CFAP74: variants seen among roughly 807,000 people sequenced by gnomAD.
CFAP74 encodes cilia and flagella associated protein 74.
Under a neutral mutation model 188.9 loss-of-function variants are expected in CFAP74, and 124 were observed. The observed-to-expected ratio is 0.66, with a 90% CI of 0.57 to 0.76. The LOEUF (loss-of-function observed/expected upper bound fraction) is 0.76. Among genes scored for constraint, CFAP74 ranks in the 30% least tolerant of loss-of-function variants. The probability of loss-of-function intolerance (pLI) is 0.00; values close to 1 mark genes in which losing one functional copy is unlikely to be tolerated. For missense variants in CFAP74, 2,198 were observed against 2,165.2 expected, an observed-to-expected ratio of 1.02 and a Z score of -0.30; for synonymous variants, 956 against 916.7, an observed-to-expected ratio of 1.04 and a Z score of -0.77.
intron 25 of CFAP74, among the ~76,000 whole-genome samples, chr1:1,933,579 T>A (rs754156140): frequency 1.3e-5 from 2 of 152,236 alleles, no homozygotes; most frequent in Non-Finnish European, 2.9e-5. Flanking sequence ...TGTAAAGATG[T>A]TCATCATGTT....
intron 6 of CFAP74, among the ~76,000 whole-genome samples, chr1:1,980,128 C>T (rs1255415664): frequency 3.3e-5 from 4 of 121,898 alleles, no homozygotes; most frequent in East Asian, 4.8e-4. Context: ...TCGCAGTGGG[C>T]GCCCTCTTAC....
In CFAP74 at chr1:1,977,468, C is replaced by T. The variant is rs370249746; in HGVS notation, c.501-3270G>A. On this transcript the variant is annotated intron_variant, in intron 6 of 38. Transcript: ENST00000682832. The stretch of plus-strand genomic sequence containing the variant: ...CCTCCCTGAGGGGCTGCCAGAGCTC[C>T]TCATGACCCCCTTGCCATCCTCTCT... Among the ~76,000 whole-genome samples the T allele has an allele frequency of 3.6e-4, 55 of 152,324 alleles. 1 individual carries two copies. The highest frequency in any genetic ancestry group is 1.2e-3 in the African/African-American group (51 of 41,572).
At chr1:1,993,134 G>A (rs917766413) in intron 1 of CFAP74, among the ~76,000 whole-genome samples, 1 of 149,904 alleles carries the variant, frequency 6.7e-6, no homozygotes, top group African/African-American at 2.5e-5. Flanking sequence ...CCAGGAGGCG[G>A]AGGTTGCAGT....
At chr1:1,997,970 G>T (rs570897400) in intron 1 of CFAP74, among the ~76,000 whole-genome samples, 1 of 152,194 alleles carries the variant, frequency 6.6e-6, no homozygotes. Context: ...ACTGGCATTA[G>T]TTTCCATTAA....
chr1:1,988,848 AC>A (rs1558063135), intron 3 of CFAP74, 40 bp downstream of exon 3: 17 of 96,884 alleles, frequency 1.8e-4, no homozygotes, highest in Admixed American at 6.6e-4. Context: ...CCCCACCCCC[AC>A]CCCCCCACAC....
intron 10 of CFAP74, among the ~76,000 whole-genome samples, chr1:1,970,008 A>C (rs765251777): frequency 2.0e-5 from 3 of 152,038 alleles, no homozygotes; most frequent in Non-Finnish European, 4.4e-5. Context: ...GAAAGGCGAG[A>C]CTGAGCGGGA....
At chr1:1,957,008 C>T (rs149835738) in intron 16 of CFAP74, among the ~76,000 whole-genome samples, 290 of 152,360 alleles carry the variant, frequency 1.9e-3, no homozygotes, top group African/African-American at 6.7e-3. Context: ...GGAGCCCCCT[C>T]GCCACGGAGT....
At chr1:1,957,243 TGCTG>T in intron 16 of CFAP74, among the ~76,000 whole-genome samples, 1 of 152,188 alleles carries the variant, frequency 6.6e-6, no homozygotes, top group South Asian at 2.1e-4. Flanking sequence ...GAAGCTCTGG[TGCTG>T]GCTAAGGATG....
intron 16 of CFAP74, among the ~76,000 whole-genome samples, chr1:1,957,917 C>A (rs36018191): frequency 0.023 from 3,471 of 152,316 alleles, 74 homozygotes; most frequent in Non-Finnish European, 0.031. Flanking sequence ...AGGAGCTGCT[C>A]GGGTGCCCTA....
chr1:1,932,066 C>CAAA (rs1214190743), intron 25 of CFAP74, among the ~76,000 whole-genome samples: 41 of 49,404 alleles, frequency 8.3e-4, no homozygotes, highest in African/African-American at 3.3e-3. Context: ...ACTCTCGCCT[C>CAAA]AAAAAAAAAA....
chr1:1,981,319 G>C (rs13302917), intron 6 of CFAP74, among the ~76,000 whole-genome samples: 45,757 of 151,812 alleles, frequency 0.3, 7,092 homozygotes, highest in Non-Finnish European at 0.34. Context: ...TTGACTGCGA[G>C]AGGGAGGGGG....
chr1:1,925,706 C>T lies in CFAP74; in HGVS notation c.4104+77G>A, dbSNP rs1651831711. 5 of 1,510,944 alleles carry T rather than the reference C, an allele frequency of 3.3e-6. No individual in the cohort carries two copies. In the South Asian group the frequency reaches 3.8e-5, roughly 11 times the overall value. 93.6% of individuals were successfully genotyped at this position (1,510,944 alleles called of 1,614,324 possible). A position where few individuals can be genotyped will look rare whatever the true frequency, so the allele number is the denominator to read the frequency against. Reference sequence around the variant, plus strand: ...TCTCCGACCCACGGGTCACTTTTGACAGCTGGCCTGAGTCCTGCCTGGTGG... The same window carrying T: ...TCTCCGACCCACGGGTCACTTTTGATAGCTGGCCTGAGTCCTGCCTGGTGG... On this transcript the variant is annotated intron_variant, in intron 33 of 38. Transcript: ENST00000682832.
intron 6 of CFAP74, among the ~76,000 whole-genome samples, chr1:1,980,019 G>T (rs1656729464): frequency 6.6e-6 from 1 of 151,348 alleles, no homozygotes; most frequent in African/African-American, 2.4e-5. Context: ...TCATGGGAGA[G>T]GCCCAAAGGC....
chr1:1,985,426 C>CTCT lies in CFAP74; in HGVS notation c.457_459dup (p.Arg153dup). On this transcript the variant is annotated inframe_insertion, in exon 6 of 39. Transcript: ENST00000682832. ...ACGGCCTCAGTCCTCGACTGCAGGTCTCTCTCGTTCTCCAGCTCTGCAAAC... is the reference window on the plus strand; with the variant it reads ...ACGGCCTCAGTCCTCGACTGCAGGTCTCTTCTCTCGTTCTCCAGCTCTGCAAAC... 1 of 1,614,130 alleles carries CTCT rather than the reference C, an allele frequency of 6.2e-7. No homozygotes were observed. Among genetic ancestry groups the CTCT allele is most frequent in the South Asian group, 1.1e-5 (1 of 91,092 alleles).
At chr1:1,931,844 C>G (rs1220480466) in intron 25 of CFAP74, among the ~76,000 whole-genome samples, 3 of 150,184 alleles carry the variant, frequency 2.0e-5, no homozygotes, top group Non-Finnish European at 4.4e-5. Flanking sequence ...GGGTGGATTA[C>G]CTGAGGTCAG....
intron 25 of CFAP74, among the ~76,000 whole-genome samples, chr1:1,931,686 G>A (rs1282025670): frequency 4.1e-5 from 6 of 145,910 alleles, no homozygotes; most frequent in South Asian, 2.2e-4. Context: ...GCAGCGAGCC[G>A]AGATTGTGCC....
At chr1:1,993,073 C>T (rs1282927712) in intron 1 of CFAP74, among the ~76,000 whole-genome samples, 1 of 151,122 alleles carries the variant, frequency 6.6e-6, no homozygotes, top group Non-Finnish European at 1.5e-5. Context: ...TGGTGGCAGG[C>T]ACCTGTAGTC....
At chr1:1,944,546 C>T in intron 20 of CFAP74, 94 bp from the exon 21 acceptor site, 1 of 1,337,058 alleles carries the variant, frequency 7.5e-7, no homozygotes, top group East Asian at 2.5e-5. Context: ...AGGAACGTTT[C>T]ATGGGCTTGA....
At position 1,930,172 on chromosome 1, in the gene CFAP74, CG is replaced by C. The variant is rs1557990645; in HGVS notation, c.3175del (p.Arg1059AlafsTer54). On this transcript the variant is annotated frameshift_variant, in exon 26 of 39. Transcript: ENST00000682832. LOFTEE classifies it high-confidence loss of function. The stretch of plus-strand genomic sequence containing the variant: ...GGGAGAGGCGTCCTCTGAGCCAATG[CG>C]GGGCTTGGAGTGGGTCGGTGAGCTC... ...SMSSPTHSKP[R>X]IGSEDASPMG... 4 of 1,535,534 alleles carry C rather than the reference CG, an allele frequency of 2.6e-6. No homozygotes were observed. The highest frequency in any genetic ancestry group is 3.5e-6 in the Non-Finnish European group (4 of 1,146,738).
Sources: gnomAD v4.1 joint callset for allele counts (sites outside exome capture counted in the v4.1 genomes callset) on GRCh38, gnomAD v4.1.1 for gene constraint, MANE v1.5 for transcripts, NCBI Gene and HGNC (gene_info 2026-07-23, HGNC 2026-07-21) for gene names.